CNTN6: variants seen among roughly 807,000 people sequenced by gnomAD.
CNTN6 encodes the protein contactin-6.
CNTN6 carries 137 observed loss-of-function variants against 122.8 expected under a neutral mutation model. The observed-to-expected ratio is 1.12, with a 90% CI of 0.97 to 1.29. CNTN6 has a LOEUF of 1.29. CNTN6 is among the 50% of genes most tolerant of loss of function. CNTN6 has a pLI of 0.00. For missense variants in CNTN6, 1,634 were observed against 1,223.4 expected, an observed-to-expected ratio of 1.34 and a Z score of -5.01; for synonymous variants, 570 against 426.0, an observed-to-expected ratio of 1.34 and a Z score of -4.16.
Position 1,128,643 on chromosome 3 carries a change from G to A in CNTN6, c.-82-19284G>A, listed in dbSNP as rs565038276. On this transcript the variant is annotated intron_variant, in intron 1 of 22. Coordinates refer to ENST00000446702, the MANE Select transcript of CNTN6 (RefSeq NM_001289080.2). ...TAGAAACTAAGAACATAGCTGTGCT[G>A]GTTTTAGAGAAATAAAGTCACTATT... is the stretch of plus-strand genomic sequence containing the variant. Among the ~76,000 whole-genome samples, 8 of 152,060 alleles carry A rather than the reference G, an allele frequency of 5.3e-5. No individual in the cohort carries two copies. In the South Asian group the frequency reaches 1.7e-3, roughly 32 times the overall value.
chr3:1,139,990 T>C (rs779874631), intron 1 of CNTN6, among the ~76,000 whole-genome samples: 18 of 152,154 alleles, frequency 1.2e-4, no homozygotes, highest in Non-Finnish European at 2.5e-4. Context: ...AATATAGAAA[T>C]ATGTATTTCT....
chr3:1,293,287 T>A (rs1170038963), intron 5 of CNTN6, among the ~76,000 whole-genome samples: 1 of 152,088 alleles, frequency 6.6e-6, no homozygotes, highest in Admixed American at 6.6e-5. Context: ...CTTCCTAAAA[T>A]CTCATTCCTT....
intron 2 of CNTN6, among the ~76,000 whole-genome samples, chr3:1,160,695 T>A (rs1158015272): frequency 6.6e-6 from 1 of 151,358 alleles, no homozygotes; most frequent in African/African-American, 2.4e-5. Flanking sequence ...TAATTTGATA[T>A]CCCATTAGGC....
chr3:1,306,042 G>A (rs1698301677), intron 7 of CNTN6, among the ~76,000 whole-genome samples: 1 of 152,102 alleles, frequency 6.6e-6, no homozygotes, highest in South Asian at 2.1e-4. Context: ...AATCAAGCTA[G>A]GCACACTGAA....
At chr3:1,093,479 C>G (rs2090347221) in intron 1 of CNTN6, among the ~76,000 whole-genome samples, 1 of 150,814 alleles carries the variant, frequency 6.6e-6, no homozygotes, top group Non-Finnish European at 1.5e-5. Flanking sequence ...GCTACACGCC[C>G]TTTCTGTAAC....
At chr3:1,097,891 T>C (rs2124929691) in intron 1 of CNTN6, among the ~76,000 whole-genome samples, 1 of 152,288 alleles carries the variant, frequency 6.6e-6, no homozygotes, top group East Asian at 1.9e-4. Flanking sequence ...AAATTATAAT[T>C]ATCATCTAAT....
intron 17 of CNTN6, 89 bp downstream of exon 17, chr3:1,377,164 C>A: frequency 1.2e-6 from 1 of 821,682 alleles, no homozygotes; most frequent in Non-Finnish European, 1.9e-6. Context: ...TATTTGATCA[C>A]TATTGAGAGC....
At chr3:1,316,328 G>A (rs950211922) in intron 7 of CNTN6, among the ~76,000 whole-genome samples, 3 of 151,834 alleles carry the variant, frequency 2.0e-5, no homozygotes, top group Admixed American at 6.6e-5. Flanking sequence ...CTTCTGGGGA[G>A]GCCTCAGGAA....
chr3:1,358,521 C>G lies in CNTN6; in HGVS notation c.1492+6070C>G, dbSNP rs374427923. On this transcript the variant is annotated intron_variant, in intron 12 of 22. Transcript: ENST00000446702. ...TGGAAAAGACTTCCCCAGAAGCAAG[C>G]TATGTTTTCAGTCTCTGGATCCTGA... 5.9e-5 allele frequency among the ~76,000 whole-genome samples: 9 copies of G among 151,452 alleles called. No individual in the cohort carries two copies. The East Asian group carries it at 1.8e-3, about 30-fold the overall frequency.
intron 3 of CNTN6, among the ~76,000 whole-genome samples, chr3:1,222,918 G>A (rs1435184359): frequency 2.0e-5 from 3 of 152,064 alleles, no homozygotes; most frequent in Admixed American, 1.3e-4. Context: ...AGAAACTATG[G>A]AAAGAGAGTG....
chr3:1,287,232 G>T (rs1014278297), intron 5 of CNTN6, among the ~76,000 whole-genome samples: 1 of 152,022 alleles, frequency 6.6e-6, no homozygotes, highest in Non-Finnish European at 1.5e-5. Context: ...AGACATCTAC[G>T]GGAGTAATTC....
At chr3:1,281,246 A>G (rs775373334) in intron 5 of CNTN6, among the ~76,000 whole-genome samples, 1 of 152,058 alleles carries the variant, frequency 6.6e-6, no homozygotes. Flanking sequence ...TCTATTTCCA[A>G]TCTCCCTAAA....
intron 7 of CNTN6, among the ~76,000 whole-genome samples, chr3:1,315,218 T>C (rs1232209059): frequency 6.6e-6 from 1 of 152,004 alleles, no homozygotes; most frequent in Non-Finnish European, 1.5e-5. Flanking sequence ...ATATTAACTT[T>C]TCATTTTAAA....
chr3:1,314,308 C>G (rs991838012), intron 7 of CNTN6, among the ~76,000 whole-genome samples: 1 of 152,030 alleles, frequency 6.6e-6, no homozygotes, highest in Non-Finnish European at 1.5e-5. Flanking sequence ...TTTTGTTATT[C>G]TGCTTCACTC....
chr3:1,385,653 A>C lies in CNTN6; in HGVS notation c.2560A>C (p.Lys854Gln). 1.2e-6 allele frequency: 2 copies of C among 1,614,082 alleles called. No individual in the cohort carries two copies. The highest frequency in any genetic ancestry group is 1.7e-6 in the Non-Finnish European group (2 of 1,179,938). Residue 854 changes from lysine (K) to glutamine (Q), a missense_variant, in exon 20 of 23, where the codon AAA (lysine) becomes CAA (glutamine). Physicochemically the swap from Lys to Gln is moderately conservative, Grantham distance 53. Transcript: ENST00000446702. ...TDDSKESMIGKIRVSGNVTTK... is the reference protein window; with the variant it reads ...TDDSKESMIGQIRVSGNVTTK... ...TGACTCCAAAGAATCCATGATAGGT[A>C]AAATTAGAGTCAGTGGAAATGTCAC...
At chr3:1,347,963 T>C (rs1193713025) in intron 11 of CNTN6, among the ~76,000 whole-genome samples, 4 of 151,836 alleles carry the variant, frequency 2.6e-5, no homozygotes, top group African/African-American at 7.3e-5. Flanking sequence ...AACAATTTCT[T>C]CTTTCCTTGT....
chr3:1,371,530 T>C (rs1290007645), intron 12 of CNTN6, among the ~76,000 whole-genome samples: 2 of 152,072 alleles, frequency 1.3e-5, no homozygotes, highest in Admixed American at 6.6e-5. Context: ...ATAAACGAAG[T>C]AGTCATAACG....
At chr3:1,130,706 TG>T (rs1027783547) in intron 1 of CNTN6, among the ~76,000 whole-genome samples, 14 of 152,188 alleles carry the variant, frequency 9.2e-5, no homozygotes, top group South Asian at 2.1e-4. Flanking sequence ...GAATCTATTT[TG>T]GGGGGGATCT....
chr3:1,372,663 G>T (rs1403578741), intron 13 of CNTN6, among the ~76,000 whole-genome samples, 175 bp from the exon 14 acceptor site: 1 of 152,078 alleles, frequency 6.6e-6, no homozygotes, highest in Non-Finnish European at 1.5e-5. Context: ...TTTTCTAGAT[G>T]TAATTATAAT....
Sources: gnomAD v4.1 joint callset for allele counts (sites outside exome capture counted in the v4.1 genomes callset) on GRCh38, gnomAD v4.1.1 for gene constraint, MANE v1.5 for transcripts, NCBI Gene and HGNC (gene_info 2026-07-23, HGNC 2026-07-21) for gene names.